Variants in SLC25A48 observed in about 807,000 individuals in gnomAD.
SLC25A48 encodes the protein CTC-321K16.1.
SLC25A48 carries 29 observed loss-of-function variants against 32.2 expected under a neutral mutation model. The observed-to-expected ratio is 0.90, with a 90% confidence interval of 0.67 to 1.23. SLC25A48 has a LOEUF of 1.23. Ranked by LOEUF, SLC25A48 falls within the 50% of genes most tolerant of loss-of-function variation. The pLI is 0.00. For missense variants in SLC25A48, 399 were observed against 422.7 expected (o/e 0.94, Z 0.49); for synonymous variants, 164 against 172.3 (o/e 0.95, Z 0.38).
At chr5:135,769,261 G>GT (rs1481282358) in intron 3 of SLC25A48, among the ~76,000 whole-genome samples, 1 of 138,286 alleles carries the variant, frequency 7.2e-6, no homozygotes, top group Non-Finnish European at 1.6e-5. Flanking sequence ...TGCAATATTG[G>GT]GGGGGGAGAA....
rs373402698 is a variant in SLC25A48 at position 135,842,142 on chromosome 5, G to A, written c.47-274G>A. 1.4e-4 allele frequency among the ~76,000 whole-genome samples: 22 copies of A among 152,166 alleles called. No homozygotes were observed. In the East Asian group the frequency reaches 1.5e-3, roughly 11 times the overall value. On this transcript the variant is annotated intron_variant, in intron 1 of 7. Coordinates refer to ENST00000681962, the MANE Select transcript of SLC25A48 (RefSeq NM_001349336.2). ...TAATTTTGTATATGGTATGAGGTAG[G>A]GGGTCTATCTCCACTCTTTCACCCT...
chr5:135,784,863 GTAATA>G (rs1756797094), intron 3 of SLC25A48, among the ~76,000 whole-genome samples: 1 of 118,614 alleles, frequency 8.4e-6, no homozygotes, highest in South Asian at 3.0e-4. Context: ...GATATTGACT[GTAATA>G]TCCAGTTAGA....
chr5:135,829,318 C>T (rs1165670250), intron 4 of SLC25A48, among the ~76,000 whole-genome samples: 1 of 152,182 alleles, frequency 6.6e-6, no homozygotes, highest in African/African-American at 2.4e-5. Context: ...TTCCAAACCT[C>T]TCCAACCTGG....
chr5:135,883,700 C>T (rs929664207), intron 7 of SLC25A48, among the ~76,000 whole-genome samples: 7 of 152,176 alleles, frequency 4.6e-5, no homozygotes, highest in African/African-American at 1.7e-4. Context: ...GGGGTTCTCC[C>T]ACCCTGAGCA....
chr5:135,720,169 C>A (rs1181680193), intron 3 of SLC25A48, among the ~76,000 whole-genome samples: 1 of 152,248 alleles, frequency 6.6e-6, no homozygotes, highest in Non-Finnish European at 1.5e-5. Flanking sequence ...GGTGGGATTT[C>A]CCTCCAAGGG....
chr5:135,618,638 C>G (rs1407876678), intron 1 of SLC25A48, among the ~76,000 whole-genome samples: 1 of 151,968 alleles, frequency 6.6e-6, no homozygotes, highest in Non-Finnish European at 1.5e-5. Context: ...GTTCTTTCTC[C>G]TCTGGGTGTA....
At chr5:135,665,331 G>T (rs1469963022) in intron 3 of SLC25A48, among the ~76,000 whole-genome samples, 4 of 152,032 alleles carry the variant, frequency 2.6e-5, no homozygotes, top group African/African-American at 9.7e-5. Flanking sequence ...CTAGTCCTTT[G>T]TTGGATGCGT....
chr5:135,835,265 T>C (rs1182690284), intron 1 of SLC25A48: 8 of 481,258 alleles, frequency 1.7e-5, no homozygotes, highest in Non-Finnish European at 1.6e-5. Context: ...CGGGAACTTA[T>C]GTATGAGGGT....
intron 1 of SLC25A48, among the ~76,000 whole-genome samples, chr5:135,836,959 TCC>T (rs1300245224): frequency 4.8e-4 from 12 of 24,830 alleles, no homozygotes; most frequent in African/African-American, 1.6e-3. Flanking sequence ...TTTGATATTA[TCC>T]CCCCCCCCAC....
At chr5:135,581,728 T>C (rs1751238941) in intron 1 of SLC25A48, among the ~76,000 whole-genome samples, 1 of 152,240 alleles carries the variant, frequency 6.6e-6, no homozygotes, top group Non-Finnish European at 1.5e-5. Flanking sequence ...TCAGTCTGTG[T>C]ATGCAGATCT....
chr5:135,727,045 A>G (rs1483019919), intron 3 of SLC25A48, among the ~76,000 whole-genome samples: 1 of 152,064 alleles, frequency 6.6e-6, no homozygotes, highest in Non-Finnish European at 1.5e-5. Flanking sequence ...GCATTTCCCC[A>G]ATGGCTAAAG....
intron 3 of SLC25A48, among the ~76,000 whole-genome samples, chr5:135,801,304 G>T (rs902061844): frequency 1.3e-5 from 2 of 150,754 alleles, no homozygotes; most frequent in African/African-American, 2.4e-5. Context: ...TATCGCAGGG[G>T]GTGTATACTC....
chr5:135,798,716 T>C (rs4976534), intron 3 of SLC25A48, among the ~76,000 whole-genome samples: 98,046 of 151,238 alleles, frequency 0.65, 34,046 homozygotes, highest in Non-Finnish European at 0.77. Context: ...CCCTGTGATA[T>C]GGTCCCTAAT....
At chr5:135,865,834 T>C (rs7356608) in intron 4 of SLC25A48, among the ~76,000 whole-genome samples, 52,090 of 152,120 alleles carry the variant, frequency 0.34, 10,602 homozygotes, top group Non-Finnish European at 0.46. Context: ...ACAGCAGCTG[T>C]ACTTTTAAGA....
At chr5:135,630,943 A>G (rs1489024436) in intron 2 of SLC25A48, among the ~76,000 whole-genome samples, 1 of 152,090 alleles carries the variant, frequency 6.6e-6, no homozygotes, top group African/African-American at 2.4e-5. Flanking sequence ...CCAGGTACTT[A>G]ACAATAACGC....
At chr5:135,756,175 TATC>T (rs890649485) in intron 3 of SLC25A48, among the ~76,000 whole-genome samples, 8 of 152,114 alleles carry the variant, frequency 5.3e-5, no homozygotes, top group African/African-American at 1.4e-4. Flanking sequence ...ATTAATAAAA[TATC>T]ATCTAGATAT....
At chr5:135,722,004 A>G (rs964589300) in intron 3 of SLC25A48, among the ~76,000 whole-genome samples, 8 of 152,262 alleles carry the variant, frequency 5.3e-5, no homozygotes, top group African/African-American at 1.4e-4. Context: ...TGCTTCCCCA[A>G]GGCTGTTCCA....
chr5:135,653,017 C>T (rs1753153146), intron 3 of SLC25A48, among the ~76,000 whole-genome samples: 1 of 152,200 alleles, frequency 6.6e-6, no homozygotes, highest in African/African-American at 2.4e-5. Flanking sequence ...TGGGTTCACG[C>T]TCTTCCACTC....
intron 3 of SLC25A48, among the ~76,000 whole-genome samples, chr5:135,713,464 A>G (rs761268980): frequency 2.6e-5 from 4 of 152,200 alleles, no homozygotes; most frequent in African/African-American, 4.8e-5. Context: ...GTCATTGGAA[A>G]ATTGTTTAGT....
Sources: allele counts gnomAD v4.1 joint callset (sites outside exome capture counted in the v4.1 genomes callset), GRCh38; gene constraint gnomAD v4.1.1; transcripts MANE v1.5; gene names NCBI Gene and HGNC (gene_info 2026-07-23, HGNC 2026-07-21).